Variants in BMP3 observed in about 807,000 individuals in gnomAD.
The protein encoded by BMP3 is bone morphogenetic protein 3.
In BMP3, 23 loss-of-function variants were observed where a neutral mutation model predicts 38.1. The ratio of observed to expected loss-of-function variants is 0.60; its 90% CI spans 0.43 to 0.86. The LOEUF (loss-of-function observed/expected upper bound fraction) is 0.86, where lower values mean the gene tolerates loss of function less well. Among genes scored for constraint, BMP3 ranks in the 40% least tolerant of loss-of-function variants. The pLI, the probability that BMP3 is intolerant of heterozygous loss-of-function variation, is 0.00. For synonymous variants in BMP3, 258 were observed against 225.7 expected (o/e 1.14, Z -1.28); for missense variants, 628 against 579.6 (o/e 1.08, Z -0.86).
rs1456473861 is a variant in BMP3, at chr4:81,031,369, T to G, written c.85T>G (p.Phe29Val). ...LAQGERPKPP[F>V]PELRKAVPGD... ...GCAGGGAGAGAGACCGAAGCCACCTTTCCCGGAGCTCCGCAAAGCTGTGCC... is the reference window on the plus strand; with the variant it reads ...GCAGGGAGAGAGACCGAAGCCACCTGTCCCGGAGCTCCGCAAAGCTGTGCC... Residue 29 changes from phenylalanine to valine, a missense_variant, in exon 1 of 3, where the codon TTC (phenylalanine) becomes GTC (valine). Transcript: ENST00000282701. 1 of 1,613,258 alleles carries G rather than the reference T, an allele frequency of 6.2e-7. No homozygotes were observed. Among genetic ancestry groups the G allele is most frequent in the African/African-American group, 1.3e-5 (1 of 74,940 alleles).
rs1740502921 is a variant in BMP3 at position 81,054,766 on chromosome 4, C to T, written c.*1230C>T. The T allele has an allele frequency of 6.6e-6, 1 of 152,192 alleles. No individual in the cohort carries two copies. The highest frequency in any genetic ancestry group is 6.6e-5 in the Admixed American group (1 of 15,264). 9.4% of individuals were successfully genotyped at this position (152,192 alleles called of 1,614,324 possible). A position where few individuals can be genotyped will look rare whatever the true frequency, so the allele number is the denominator to read the frequency against. On this transcript the variant is annotated 3_prime_UTR_variant, in exon 3 of 3. Coordinates refer to ENST00000282701, the MANE Select transcript of BMP3 (RefSeq NM_001201.5). ...TGTGTCACATACATATATGTGTCCT[C>T]TTATAACTTTAGTCTTCAAAATTAT...
At position 81,031,275 on chromosome 4, in the gene BMP3, G is replaced by A. The variant is rs1739750898; in HGVS notation, c.-10G>A. The stretch of plus-strand genomic sequence containing the variant: ...CGCCGGGAGCCGACGCGCCGCGCGG[G>A]TACCTAGCCATGGCTGGGGCGAGCA... On this transcript the variant is annotated 5_prime_UTR_variant, in exon 1 of 3. Coordinates refer to ENST00000282701, the MANE Select transcript of BMP3 (RefSeq NM_001201.5). 1 of 1,584,758 alleles carries A rather than the reference G, an allele frequency of 6.3e-7. No homozygotes were observed. Among genetic ancestry groups the A allele is most frequent in the Non-Finnish European group, 8.6e-7 (1 of 1,164,948 alleles).
intron 2 of BMP3, among the ~76,000 whole-genome samples, chr4:81,049,021 ACT>A (rs1259724335): frequency 6.6e-6 from 1 of 152,162 alleles, no homozygotes; most frequent in Admixed American, 6.5e-5. Context: ...AGTTATTCAG[ACT>A]CTCTACAAGT....
chr4:81,039,773 A>G (rs765768005), intron 1 of BMP3, among the ~76,000 whole-genome samples: 3 of 152,156 alleles, frequency 2.0e-5, no homozygotes, highest in Non-Finnish European at 2.9e-5. Flanking sequence ...TCATGCATAT[A>G]AAAAAAGCTT....
chr4:81,049,708 C>T (rs1322416139), intron 2 of BMP3, among the ~76,000 whole-genome samples: 2 of 152,268 alleles, frequency 1.3e-5, no homozygotes, highest in African/African-American at 2.4e-5. Flanking sequence ...AATGAAGCTG[C>T]TACATTAGGG....
intron 2 of BMP3, among the ~76,000 whole-genome samples, chr4:81,048,207 C>A (rs972363838): frequency 6.6e-6 from 1 of 152,006 alleles, no homozygotes; most frequent in Admixed American, 6.6e-5. Flanking sequence ...CAAAGTTGTT[C>A]AAATGAGATA....
chr4:81,046,281 A>G lies in BMP3; in HGVS notation c.860A>G (p.Lys287Arg), dbSNP rs1362531606. 6.2e-7 allele frequency: 1 copy of G among 1,613,900 alleles called. No individual in the cohort carries two copies. The highest frequency in any genetic ancestry group is 1.3e-5 in the African/African-American group (1 of 74,906). The change falls in exon 2 of 3, where the codon AAG (lysine) becomes AGG (arginine). Residue 287 changes from lysine (K) to arginine (R), a missense_variant. Transcript: ENST00000282701. Reference protein sequence around the residue: ...IRAALSIERRKKRSTGVLLPL... With the variant: ...IRAALSIERRRKRSTGVLLPL... Reference sequence around the variant, plus strand: ...GCTGCCCTTTCCATTGAGCGGAGGAAGAAGCGCTCTACTGGGGTCTTGCTG... The same window carrying G: ...GCTGCCCTTTCCATTGAGCGGAGGAGGAAGCGCTCTACTGGGGTCTTGCTG...
At chr4:81,044,836 G>T (rs980917433) in intron 1 of BMP3, among the ~76,000 whole-genome samples, 1 of 152,244 alleles carries the variant, frequency 6.6e-6, no homozygotes, top group South Asian at 2.1e-4. Context: ...ATATTTGATT[G>T]TATGGGTATA....
In BMP3 at chr4:81,051,463, T is replaced by C. The variant is rs72870278; in HGVS notation, c.1228-1882T>C. Among the ~76,000 whole-genome samples the C allele has an allele frequency of 9.7e-3, 1,484 of 152,252 alleles. 25 individuals carry two copies. The highest frequency in any genetic ancestry group is 0.031 in the African/African-American group (1,306 of 41,556). On this transcript the variant is annotated intron_variant, in intron 2 of 2. Coordinates refer to ENST00000282701, the MANE Select transcript of BMP3 (RefSeq NM_001201.5). ...CACTTTGTATAAAATTCAAATATTA[T>C]AGGAGTCATTAAACATTAAAATAAC...
intron 1 of BMP3, among the ~76,000 whole-genome samples, chr4:81,042,808 T>C (rs986628730): frequency 3.9e-5 from 6 of 152,208 alleles, no homozygotes; most frequent in African/African-American, 1.4e-4. Flanking sequence ...ACAGAGTGGC[T>C]TCTCTTCCTT....
chr4:81,046,815 G>A (rs1426382649), intron 2 of BMP3, among the ~76,000 whole-genome samples, 167 bp downstream of exon 2: 2 of 152,140 alleles, frequency 1.3e-5, no homozygotes, highest in African/African-American at 4.8e-5. Flanking sequence ...TAGGTAATAT[G>A]GTTATTCTTG....
chr4:81,052,176 C>T (rs986004970), intron 2 of BMP3, among the ~76,000 whole-genome samples: 2 of 151,952 alleles, frequency 1.3e-5, no homozygotes, highest in Admixed American at 6.6e-5. Flanking sequence ...AAACATGGCT[C>T]AAAGTTCTGA....
Position 81,045,766 on chromosome 4 carries a change from C to A in BMP3, c.345C>A (p.Ile115=). ...AETLERKGLY[I]FNLTSLTKSE... ...CTCTTGAAAGAAAAGGACTGTATAT[C>A]TTCAATCTGACATCGCTAACCAAGT... Residue 115 remains isoleucine, a synonymous_variant, in exon 2 of 3, where the codon ATC becomes ATA. Transcript: ENST00000282701. The A allele has an allele frequency of 6.2e-7, 1 of 1,610,044 alleles. No homozygotes were observed. Among genetic ancestry groups the A allele is most frequent in the Non-Finnish European group, 8.5e-7 (1 of 1,178,486 alleles).
rs1317923509 is a variant in BMP3, at chr4:81,056,313, AGT to A, written c.*2778_*2779del. 6 of 151,622 alleles carry A rather than the reference AGT, an allele frequency of 4.0e-5. No homozygotes were observed. The highest frequency in any genetic ancestry group is 9.7e-5 in the African/African-American group (4 of 41,278). 9.4% of individuals were successfully genotyped at this position (151,622 alleles called of 1,614,324 possible). ...GCAGTGTGCACACACACACACACAC[AGT>A]CAGTTACTGAAAAAAATAATTCTTT... On this transcript the variant is annotated 3_prime_UTR_variant, in exon 3 of 3. Coordinates refer to ENST00000282701, the MANE Select transcript of BMP3 (RefSeq NM_001201.5).
intron 1 of BMP3, among the ~76,000 whole-genome samples, chr4:81,041,010 G>T (rs530478404): frequency 1.3e-5 from 2 of 152,202 alleles, no homozygotes; most frequent in African/African-American, 4.8e-5. Flanking sequence ...TTTATTTACT[G>T]ATATTCAAAC....
chr4:81,044,181 G>T (rs1045304577), intron 1 of BMP3, among the ~76,000 whole-genome samples: 1 of 152,102 alleles, frequency 6.6e-6, no homozygotes, highest in East Asian at 1.9e-4. Flanking sequence ...TAGGCTATAC[G>T]TGCCTCAGAT....
At chr4:81,043,403 G>A (rs1164764531) in intron 1 of BMP3, among the ~76,000 whole-genome samples, 1 of 152,034 alleles carries the variant, frequency 6.6e-6, no homozygotes, top group East Asian at 1.9e-4. Context: ...AATCATTTTT[G>A]TTGCACTATA....
Position 81,053,805 on chromosome 4 carries a change from A to G in BMP3, c.*269A>G, listed in dbSNP as rs1250648924. On this transcript the variant is annotated 3_prime_UTR_variant, in exon 3 of 3. Transcript: ENST00000282701. Reference sequence around the variant, plus strand: ...GTAATCAAACACAACAACTTATCAAACTGTTTTTAGAACTGTTAGAGAACA... The same window carrying G: ...GTAATCAAACACAACAACTTATCAAGCTGTTTTTAGAACTGTTAGAGAACA... The G allele has an allele frequency of 4.3e-6, 1 of 232,368 alleles. No homozygotes were observed. The highest frequency in any genetic ancestry group is 2.3e-5 in the African/African-American group (1 of 44,374). The allele number at this position is 232,368 out of a possible 1,614,324, so 14.4% of individuals were successfully genotyped here.
intron 1 of BMP3, among the ~76,000 whole-genome samples, chr4:81,044,472 G>T (rs988897900): frequency 6.6e-6 from 1 of 152,102 alleles, no homozygotes; most frequent in Non-Finnish European, 1.5e-5. Flanking sequence ...TTTAATTGAG[G>T]TGAAATTCAC....
Sources: allele counts gnomAD v4.1 joint callset (sites outside exome capture counted in the v4.1 genomes callset), GRCh38; gene constraint gnomAD v4.1.1; transcripts MANE v1.5; gene names NCBI Gene and HGNC (gene_info 2026-07-23, HGNC 2026-07-21).